The following WDFY3 variants were observed in gnomAD, a reference collection of about 807,000 sequenced individuals.
The protein encoded by WDFY3 is WD repeat and FYVE domain-containing protein 3.
A neutral mutation model predicts 409.6 loss-of-function variants in WDFY3; 66 were observed. That is an observed-to-expected ratio of 0.16 (90% CI 0.13 to 0.20). The LOEUF is 0.20. Among genes scored for constraint, WDFY3 ranks in the 10% least tolerant of loss-of-function variants. WDFY3 has a pLI of 1.00. For missense variants in WDFY3, 3,031 were observed against 4,298.1 expected, an observed-to-expected ratio of 0.71 and a Z score of 8.24; for synonymous variants, 1,521 against 1,537.1, an observed-to-expected ratio of 0.99 and a Z score of 0.25.
intron 9 of WDFY3, among the ~76,000 whole-genome samples, chr4:84,827,560 G>T (rs1422609470): frequency 1.3e-5 from 2 of 151,950 alleles, no homozygotes; most frequent in Non-Finnish European, 2.9e-5. Flanking sequence ...ATAAAATCTT[G>T]TCTACAAGAT....
At chr4:84,963,000 G>T (rs1408120739) in intron 1 of WDFY3, among the ~76,000 whole-genome samples, 2 of 151,470 alleles carry the variant, frequency 1.3e-5, no homozygotes, top group Non-Finnish European at 2.9e-5. Context: ...TCATTTCATG[G>T]ATGATAAATA....
At chr4:84,720,980 A>C (rs913589673) in intron 47 of WDFY3, among the ~76,000 whole-genome samples, 9 of 152,168 alleles carry the variant, frequency 5.9e-5, no homozygotes, top group African/African-American at 1.9e-4. Flanking sequence ...GTCTTCTGTG[A>C]GTGAAGGAGA....
At chr4:84,689,905 A>G (rs550735610) in intron 61 of WDFY3, among the ~76,000 whole-genome samples, 1 of 152,330 alleles carries the variant, frequency 6.6e-6, no homozygotes, top group South Asian at 2.1e-4. Flanking sequence ...TATGCTCCTT[A>G]TTTAAAAAAT....
intron 3 of WDFY3, among the ~76,000 whole-genome samples, chr4:84,891,942 C>A (rs978438269): frequency 6.6e-6 from 1 of 151,658 alleles, no homozygotes; most frequent in African/African-American, 2.4e-5. Flanking sequence ...AATAGTAGAA[C>A]TAATCCTTCT....
At chr4:84,686,660 A>C (rs916873049) in intron 62 of WDFY3, among the ~76,000 whole-genome samples, 2 of 152,098 alleles carry the variant, frequency 1.3e-5, no homozygotes, top group Non-Finnish European at 2.9e-5. Flanking sequence ...GGTAGGGGTG[A>C]GGGTAAGGTG....
chr4:84,802,420 A>ATTTTTT (rs1355968511), intron 16 of WDFY3, among the ~76,000 whole-genome samples: 1 of 151,610 alleles, frequency 6.6e-6, no homozygotes, highest in Non-Finnish European at 1.5e-5. Flanking sequence ...CCACCATGCC[A>ATTTTTT]GGCTAATTTT....
Position 84,707,161 on chromosome 4 carries a change from C to T in WDFY3, c.8218-1650G>A, listed in dbSNP as rs566391492. ...ACCAGGCTGGTCTTGAACTCCTGGA[C>T]TCATGCGATTTGCCCTCCTCGGCCT... On this transcript the variant is annotated intron_variant, in intron 53 of 67. Transcript: ENST00000295888. 1.9e-4 allele frequency among the ~76,000 whole-genome samples: 29 copies of T among 152,130 alleles called. No homozygotes were observed. The South Asian group carries it at 5.8e-3, about 30-fold the overall frequency.
intron 27 of WDFY3, 145 bp from the exon 28 acceptor site, chr4:84,775,283 A>G (rs781545764): frequency 1.1e-4 from 78 of 688,744 alleles, no homozygotes; most frequent in Non-Finnish European, 1.7e-4. Flanking sequence ...TTATATGCAG[A>G]AAAAAAATCA....
intron 43 of WDFY3, among the ~76,000 whole-genome samples, chr4:84,734,412 A>G (rs985518186): frequency 1.3e-5 from 2 of 152,180 alleles, no homozygotes; most frequent in Non-Finnish European, 2.9e-5. Flanking sequence ...AGTAGTACTG[A>G]TATGTTCTTT....
chr4:84,923,512 T>A (rs749694521), intron 2 of WDFY3, among the ~76,000 whole-genome samples: 12 of 152,322 alleles, frequency 7.9e-5, no homozygotes, highest in Middle Eastern at 3.4e-3. Context: ...AAAGCTTTTA[T>A]TAAATAAATG....
intron 26 of WDFY3, 26 bp downstream of exon 26, chr4:84,780,082 G>A: frequency 6.5e-7 from 1 of 1,530,906 alleles, no homozygotes; most frequent in Non-Finnish European, 8.8e-7. Flanking sequence ...CAGGTGAAGT[G>A]AAGGCAAAGT....
chr4:84,765,702 T>C (rs1048713822), intron 32 of WDFY3, 108 bp downstream of exon 32: 8 of 810,984 alleles, frequency 9.9e-6, no homozygotes, highest in Non-Finnish European at 1.5e-5. Flanking sequence ...TTAAAATTAA[T>C]ATCTCCTTAA....
Position 84,780,135 on chromosome 4 carries a change from T to G in WDFY3, c.4338A>C (p.Lys1446Asn), listed in dbSNP as rs756132671. 14 of 1,606,494 alleles carry G rather than the reference T, an allele frequency of 8.7e-6. No homozygotes were observed. Among genetic ancestry groups the G allele is most frequent in the Non-Finnish European group, 1.2e-5 (14 of 1,176,984 alleles). Residue 1446 changes from lysine (K) to asparagine (N), a missense_variant, in exon 26 of 68, where the codon AAA (lysine) becomes AAC (asparagine). By Grantham distance (94) the Lys-to-Asn change is moderately conservative. Transcript: ENST00000295888. ...GGTAGCCCTTGATTCTTTCCATTTC[T>G]TTGCTGGCTAGTGGGTTACTCTTGA... ...CVVKSNPLAS[K>N]EMERIKGYQL...
intron 58 of WDFY3, among the ~76,000 whole-genome samples, chr4:84,694,298 C>T (rs963045501): frequency 6.6e-6 from 1 of 152,162 alleles, no homozygotes; most frequent in African/African-American, 2.4e-5. Flanking sequence ...CGCCAGGCTG[C>T]GGGTATATAA....
At position 84,671,620 on chromosome 4, in the gene WDFY3, C is replaced by T. The variant is rs1055730487; in HGVS notation, c.*1248G>A. The T allele has an allele frequency of 3.9e-5, 6 of 152,008 alleles. No individual in the cohort carries two copies. Among genetic ancestry groups the T allele is most frequent in the African/African-American group, 1.5e-4 (6 of 41,288 alleles). The allele number at this position is 152,008 out of a possible 1,614,324, so 9.4% of individuals were successfully genotyped here. A position where few individuals can be genotyped will look rare whatever the true frequency, so the allele number is the denominator to read the frequency against. On this transcript the variant is annotated 3_prime_UTR_variant, in exon 68 of 68. Coordinates refer to ENST00000295888, the MANE Select transcript of WDFY3 (RefSeq NM_014991.6). ...CTGGATTTGTGTGTTCTGTATCCAA[C>T]TAGTAGAACAAATTAAATAACTAAA...
intron 3 of WDFY3, among the ~76,000 whole-genome samples, chr4:84,893,660 T>C (rs1765221941): frequency 6.6e-6 from 1 of 152,222 alleles, no homozygotes; most frequent in African/African-American, 2.4e-5. Flanking sequence ...TGAGAAATTC[T>C]AGACTACCAA....
intron 10 of WDFY3, among the ~76,000 whole-genome samples, chr4:84,825,582 T>C (rs1367463493): frequency 6.6e-6 from 1 of 152,102 alleles, no homozygotes; most frequent in African/African-American, 2.4e-5. Flanking sequence ...TCTCCCTATT[T>C]ACTGCAGAGA....
intron 2 of WDFY3, among the ~76,000 whole-genome samples, chr4:84,901,122 G>C (rs1004656577): frequency 6.6e-6 from 1 of 152,206 alleles, no homozygotes; most frequent in Admixed American, 6.5e-5. Flanking sequence ...ATGCATAAAG[G>C]CTCGTTTAGA....
chr4:84,877,740 G>A (rs1050855237), intron 3 of WDFY3, among the ~76,000 whole-genome samples: 2 of 152,162 alleles, frequency 1.3e-5, no homozygotes, highest in Non-Finnish European at 2.9e-5. Context: ...GACAATGTAA[G>A]ATTATGGAAG....
Sources: allele counts gnomAD v4.1 joint callset (sites outside exome capture counted in the v4.1 genomes callset), GRCh38; gene constraint gnomAD v4.1.1; transcripts MANE v1.5; gene names NCBI Gene and HGNC (gene_info 2026-07-23, HGNC 2026-07-21).